The following TRAPPC9 variants were observed in gnomAD, a reference collection of about 807,000 sequenced individuals.
TRAPPC9 encodes the protein trafficking protein particle complex subunit 9.
Under a neutral mutation model 124.0 loss-of-function variants are expected in TRAPPC9, and 83 were observed. That is an observed-to-expected ratio of 0.67 (90% CI 0.56 to 0.80). TRAPPC9 has a LOEUF of 0.80. TRAPPC9 is among the 30% of genes least tolerant of loss of function. The pLI, the probability that TRAPPC9 is intolerant of heterozygous loss-of-function variation, is 0.00. For missense variants in TRAPPC9, 1,302 were observed against 1,508.3 expected (o/e 0.86, Z 2.27); for synonymous variants, 638 against 617.5 (o/e 1.03, Z -0.49).
chr8:140,060,441 T>C (rs180899800), intron 17 of TRAPPC9, among the ~76,000 whole-genome samples: 1 of 152,318 alleles, frequency 6.6e-6, no homozygotes, highest in Non-Finnish European at 1.5e-5. Context: ...TGAGTTCCTT[T>C]TTCTCTAATG....
At chr8:140,388,013 C>T (rs910144828) in intron 7 of TRAPPC9, among the ~76,000 whole-genome samples, 3 of 151,908 alleles carry the variant, frequency 2.0e-5, no homozygotes, top group Non-Finnish European at 4.4e-5. Context: ...AGAAATGTAG[C>T]ACATGTACAC....
At position 139,732,555 on chromosome 8, in the gene TRAPPC9, C is replaced by T. The variant is rs1464162190; in HGVS notation, c.3056-353G>A. ...GAGTCTGACACCGTAGAGGCGAGGGCGTGGAAGGGGCCCTACAGGCCCTAA... is the reference window on the plus strand; with the variant it reads ...GAGTCTGACACCGTAGAGGCGAGGGTGTGGAAGGGGCCCTACAGGCCCTAA... On this transcript the variant is annotated intron_variant, in intron 21 of 22. Transcript: ENST00000438773. 6.6e-5 allele frequency among the ~76,000 whole-genome samples: 10 copies of T among 152,272 alleles called. No homozygotes were observed. In the East Asian group the frequency reaches 1.9e-3, roughly 30 times the overall value.
chr8:140,443,489 T>C (rs1394497850), intron 2 of TRAPPC9, among the ~76,000 whole-genome samples: 1 of 152,042 alleles, frequency 6.6e-6, no homozygotes, highest in Non-Finnish European at 1.5e-5. Context: ...AGCCCATAAT[T>C]TTGCACTACA....
intron 16 of TRAPPC9, among the ~76,000 whole-genome samples, chr8:140,238,887 G>A (rs1384111018): frequency 6.6e-6 from 1 of 152,224 alleles, no homozygotes; most frequent in Non-Finnish European, 1.5e-5. Flanking sequence ...CCCCCGTGCT[G>A]ACGCCGGGGC....
In TRAPPC9 at chr8:140,221,541, C is replaced by T. The variant is rs780750599; in HGVS notation, c.2474G>A (p.Arg825Gln). The T allele has an allele frequency of 4.4e-5, 71 of 1,613,960 alleles. No homozygotes were observed. Among genetic ancestry groups the T allele is most frequent in the African/African-American group, 5.3e-5 (4 of 74,898 alleles). ...CTCCACTCGGGGCCGAACGACCTGCCGAAAAGGACTGGACAGGGGAAAGCC... is the reference window on the plus strand; with the variant it reads ...CTCCACTCGGGGCCGAACGACCTGCTGAAAAGGACTGGACAGGGGAAAGCC... ...VSGFPLSSPF[R>Q]QVVRPRVEGK... The change falls in exon 17 of 23, where the codon CGG becomes CAG. Residue 825 changes from arginine to glutamine, a missense_variant. Transcript: ENST00000438773.
chr8:139,932,273 C>T (rs1433757465), intron 19 of TRAPPC9: 1 of 455,764 alleles, frequency 2.2e-6, no homozygotes, highest in Admixed American at 2.4e-5. Context: ...GGGCCTCGCT[C>T]AGGGTAGCCA....
At chr8:140,239,301 G>C (rs1280122588) in intron 16 of TRAPPC9, among the ~76,000 whole-genome samples, 2 of 152,188 alleles carry the variant, frequency 1.3e-5, no homozygotes, top group Non-Finnish European at 2.9e-5. Flanking sequence ...CGTCTGGAGA[G>C]ACCGAGCCTA....
intron 17 of TRAPPC9, among the ~76,000 whole-genome samples, chr8:140,174,592 C>T (rs970787402): frequency 6.6e-6 from 1 of 152,126 alleles, no homozygotes; most frequent in African/African-American, 2.4e-5. Flanking sequence ...CCCCCAAGCC[C>T]CTGGCAACCA....
chr8:140,077,914 G>A (rs763780990), intron 17 of TRAPPC9, among the ~76,000 whole-genome samples: 26 of 152,280 alleles, frequency 1.7e-4, no homozygotes, highest in Non-Finnish European at 3.5e-4. Context: ...GGACAATCGT[G>A]ATGTTTCTTA....
intron 17 of TRAPPC9, among the ~76,000 whole-genome samples, chr8:140,196,183 A>G: frequency 8.4e-6 from 1 of 119,354 alleles, no homozygotes; most frequent in Non-Finnish European, 1.7e-5. Context: ...AACACACTCA[A>G]CGATCCACCA....
chr8:139,794,380 A>G (rs1271952375), intron 21 of TRAPPC9, among the ~76,000 whole-genome samples: 1 of 152,118 alleles, frequency 6.6e-6, no homozygotes, highest in Admixed American at 6.5e-5. Context: ...ACCCCATCTC[A>G]GGCCGTTTCC....
At chr8:139,866,893 T>C (rs551844703) in intron 21 of TRAPPC9, among the ~76,000 whole-genome samples, 40 of 152,324 alleles carry the variant, frequency 2.6e-4, no homozygotes, top group African/African-American at 8.7e-4. Context: ...GTATGGATCT[T>C]GGTTGGTGTG....
At chr8:139,959,091 G>GGGGGAGCCCTGCATTCCGAGTCACACA (rs1563952550) in intron 19 of TRAPPC9, among the ~76,000 whole-genome samples, 8 of 150,242 alleles carry the variant, frequency 5.3e-5, no homozygotes, top group East Asian at 4.0e-4. Flanking sequence ...CGAGTCACAC[G>GGGGGAGCCCTGCATTCCGAGTCACACA]GGGGAGCCCT....
intron 7 of TRAPPC9, among the ~76,000 whole-genome samples, chr8:140,376,553 T>TAAAAAAAAA (rs34319639): frequency 2.0e-5 from 1 of 49,762 alleles, no homozygotes; most frequent in African/African-American, 8.9e-5. Flanking sequence ...AGACTCCATC[T>TAAAAAAAAA]AAAAAAAAAA....
At chr8:140,334,040 G>C (rs543758452) in intron 9 of TRAPPC9, among the ~76,000 whole-genome samples, 26 of 152,312 alleles carry the variant, frequency 1.7e-4, no homozygotes, top group African/African-American at 5.1e-4. Flanking sequence ...TTACAGATGA[G>C]AGAAATTGAA....
intron 17 of TRAPPC9, among the ~76,000 whole-genome samples, chr8:140,126,574 A>T (rs2061102436): frequency 6.6e-6 from 1 of 152,234 alleles, no homozygotes; most frequent in South Asian, 2.1e-4. Context: ...CAGCACAATG[A>T]TCCTGAAATT....
rs568623349 is a variant in TRAPPC9, at chr8:140,130,971, T to C, written c.2556+90488A>G. On this transcript the variant is annotated intron_variant, in intron 17 of 22. Coordinates refer to ENST00000438773, the MANE Select transcript of TRAPPC9 (RefSeq NM_001160372.4). ...TCATCACTGAGGTAACTGTCATTAATTCCATACGCAGACTTCCAATGCTTT... is the reference window on the plus strand; with the variant it reads ...TCATCACTGAGGTAACTGTCATTAACTCCATACGCAGACTTCCAATGCTTT... 2.6e-5 allele frequency among the ~76,000 whole-genome samples: 4 copies of C among 152,346 alleles called. No homozygotes were observed. In the South Asian group the frequency reaches 8.3e-4, roughly 32 times the overall value.
At chr8:139,854,719 T>C (rs919202227) in intron 21 of TRAPPC9, among the ~76,000 whole-genome samples, 1 of 152,254 alleles carries the variant, frequency 6.6e-6, no homozygotes, top group African/African-American at 2.4e-5. Flanking sequence ...CTCTGCTTTC[T>C]CTTTCCTGGT....
intron 9 of TRAPPC9, among the ~76,000 whole-genome samples, chr8:140,357,627 G>C (rs2067791567): frequency 2.0e-5 from 3 of 152,074 alleles, no homozygotes. Flanking sequence ...CCAGGGGCTG[G>C]GGAGAGCAAA....
Sources: allele counts gnomAD v4.1 joint callset (sites outside exome capture counted in the v4.1 genomes callset), GRCh38; gene constraint gnomAD v4.1.1; transcripts MANE v1.5; gene names NCBI Gene and HGNC (gene_info 2026-07-23, HGNC 2026-07-21).